CENPP: variants seen among roughly 807,000 people sequenced by gnomAD.
CENPP encodes centromere protein P.
In CENPP, 24 loss-of-function variants were observed where a neutral mutation model predicts 35.6. That is an observed-to-expected ratio of 0.67 (90% CI 0.49 to 0.95). CENPP has a LOEUF of 0.95. Ranked by LOEUF, CENPP falls within the 40% of genes least tolerant of loss-of-function variation. The probability of loss-of-function intolerance (pLI) is 0.00; values close to 1 mark genes in which losing one functional copy is unlikely to be tolerated. For synonymous variants in CENPP, 120 were observed against 125.5 expected (o/e 0.96, Z 0.29); for missense variants, 332 against 345.3 (o/e 0.96, Z 0.31).
At chr9:92,373,276 A>G (rs998539004) in intron 4 of CENPP, among the ~76,000 whole-genome samples, 4 of 151,972 alleles carry the variant, frequency 2.6e-5, no homozygotes, top group African/African-American at 4.8e-5. Context: ...AAAAATATAT[A>G]TATATATTAA....
At position 92,617,802 on chromosome 9, in the gene CENPP, C is replaced by G. The variant is rs774072895; in HGVS notation, c.*4653C>G. The G allele has an allele frequency of 7.5e-5, 14 of 186,674 alleles. No homozygotes were observed. Among genetic ancestry groups the G allele is most frequent in the Non-Finnish European group, 1.2e-4 (11 of 88,932 alleles). 11.6% of individuals were successfully genotyped at this position (186,674 alleles called of 1,614,324 possible). A position where few individuals can be genotyped will look rare whatever the true frequency, so the allele number is the denominator to read the frequency against. ...TTTAGGCCGGGAAGCTGTGGCAGCT[C>G]TCTCCACAGTTCCAAATTCCCAAAG... On this transcript the variant is annotated 3_prime_UTR_variant, in exon 8 of 8. Transcript: ENST00000375587.
At chr9:92,340,238 TGAAAAGGGAAA>T (rs150540248) in intron 3 of CENPP, 5,838 of 152,226 alleles carry the variant, frequency 0.038, 142 homozygotes, top group Middle Eastern at 0.075. Flanking sequence ...CAAATCCAAG[TGAAAAGGGAAA>T]GATTATCCTC....
At chr9:92,515,828 A>C (rs536231375) in intron 5 of CENPP, among the ~76,000 whole-genome samples, 3 of 152,272 alleles carry the variant, frequency 2.0e-5, no homozygotes, top group African/African-American at 7.2e-5. Flanking sequence ...ACTACCTGAG[A>C]CTTACAAATG....
At chr9:92,545,673 G>T (rs544360155) in intron 5 of CENPP, among the ~76,000 whole-genome samples, 11 of 152,354 alleles carry the variant, frequency 7.2e-5, no homozygotes, top group African/African-American at 2.4e-4. Context: ...CCTGCAGCCT[G>T]GTGCGGGATC....
intron 5 of CENPP, among the ~76,000 whole-genome samples, chr9:92,433,672 C>T (rs1379717554): frequency 1.3e-5 from 2 of 152,062 alleles, no homozygotes; most frequent in African/African-American, 4.8e-5. Flanking sequence ...AGCTCACGGC[C>T]TATAATCCCA....
At chr9:92,610,042 A>G (rs1564020676) in intron 5 of CENPP, among the ~76,000 whole-genome samples, 1 of 151,116 alleles carries the variant, frequency 6.6e-6, no homozygotes, top group South Asian at 2.1e-4. Flanking sequence ...CACCCAGCCA[A>G]AAACACAAGT....
intron 5 of CENPP, among the ~76,000 whole-genome samples, chr9:92,451,076 G>A (rs1450389394): frequency 6.7e-6 from 1 of 150,214 alleles, no homozygotes; most frequent in Non-Finnish European, 1.5e-5. Context: ...AGTTTCTTTT[G>A]CTGTGCAGAA....
At chr9:92,568,613 G>T (rs1371930486) in intron 5 of CENPP, among the ~76,000 whole-genome samples, 2 of 152,160 alleles carry the variant, frequency 1.3e-5, no homozygotes, top group African/African-American at 2.4e-5. Context: ...TAATGGGATG[G>T]CTGGGTCAAA....
intron 4 of CENPP, among the ~76,000 whole-genome samples, chr9:92,353,324 C>T (rs766873102): frequency 2.0e-5 from 3 of 152,160 alleles, no homozygotes; most frequent in Non-Finnish European, 2.9e-5. Context: ...ATTCCCTTTG[C>T]GTTCAGCAAG....
chr9:92,434,390 A>G (rs900515510), intron 5 of CENPP, among the ~76,000 whole-genome samples: 1 of 145,990 alleles, frequency 6.8e-6, no homozygotes, highest in Non-Finnish European at 1.5e-5. Context: ...CTCTGTCTCA[A>G]AAAAAAAAAA....
chr9:92,483,144 T>C (rs920811564), intron 5 of CENPP, among the ~76,000 whole-genome samples: 3 of 152,084 alleles, frequency 2.0e-5, no homozygotes, highest in Non-Finnish European at 1.5e-5. Flanking sequence ...TTCCTGAAAA[T>C]AAATCATTAT....
chr9:92,586,299 C>G (rs2131371499), intron 5 of CENPP, among the ~76,000 whole-genome samples: 1 of 152,288 alleles, frequency 6.6e-6, no homozygotes, highest in East Asian at 1.9e-4. Context: ...CCAGCCTTGA[C>G]CTCCCAAAGT....
chr9:92,536,611 G>A (rs1849177128), intron 5 of CENPP: 1 of 152,370 alleles, frequency 6.6e-6, no homozygotes, highest in African/African-American at 2.4e-5. Flanking sequence ...CTGTTACGCT[G>A]GCAAATTAGT....
intron 5 of CENPP, chr9:92,517,273 A>G (rs1349594298): frequency 8.8e-6 from 2 of 228,184 alleles, no homozygotes; most frequent in South Asian, 7.6e-5. Flanking sequence ...TTTAGATGCA[A>G]ATCACTCTTC....
rs375540192 is a variant in CENPP at position 92,615,127 on chromosome 9, C to T, written c.*1978C>T. The T allele has an allele frequency of 6.6e-6, 1 of 152,232 alleles. No individual in the cohort carries two copies. Among genetic ancestry groups the T allele is most frequent in the Non-Finnish European group, 1.5e-5 (1 of 68,090 alleles). 9.4% of individuals were successfully genotyped at this position (152,232 alleles called of 1,614,324 possible). Reference sequence around the variant, plus strand: ...GTGGGAAAGAACAGCTCATCTCCCCCTCATGTGAAAGATTAAATTGTAAAG... The same window carrying T: ...GTGGGAAAGAACAGCTCATCTCCCCTTCATGTGAAAGATTAAATTGTAAAG... On this transcript the variant is annotated 3_prime_UTR_variant, in exon 8 of 8. Coordinates refer to ENST00000375587, the MANE Select transcript of CENPP (RefSeq NM_001012267.3).
At chr9:92,464,399 T>C (rs917252267) in intron 5 of CENPP, among the ~76,000 whole-genome samples, 16 of 152,236 alleles carry the variant, frequency 1.1e-4, no homozygotes, top group Non-Finnish European at 1.5e-5. Flanking sequence ...TCCTCAGACC[T>C]TTCTGTGTAT....
intron 5 of CENPP, among the ~76,000 whole-genome samples, chr9:92,559,041 C>A (rs564063993): frequency 6.6e-6 from 1 of 152,116 alleles, no homozygotes; most frequent in Non-Finnish European, 1.5e-5. Flanking sequence ...AAAACTTACC[C>A]GAGGCTGTCC....
chr9:92,494,451 T>A (rs767775102), intron 5 of CENPP, among the ~76,000 whole-genome samples: 3 of 152,236 alleles, frequency 2.0e-5, no homozygotes, highest in African/African-American at 7.2e-5. Flanking sequence ...CTAAACTGAT[T>A]ATGAAGCTCA....
chr9:92,536,808 G>T (rs964185470), intron 5 of CENPP, among the ~76,000 whole-genome samples: 6 of 151,920 alleles, frequency 3.9e-5, no homozygotes, highest in African/African-American at 1.5e-4. Context: ...AGGAATAACA[G>T]ATATGAAGGT....
Sources: allele counts gnomAD v4.1 joint callset (sites outside exome capture counted in the v4.1 genomes callset), GRCh38; gene constraint gnomAD v4.1.1; transcripts MANE v1.5; gene names NCBI Gene and HGNC (gene_info 2026-07-23, HGNC 2026-07-21).